The following INTS10 variants were observed in gnomAD, a reference collection of about 807,000 sequenced individuals.
INTS10 encodes the protein integrator complex subunit 10, also known as chromosome 8 open reading frame 35.
In INTS10, 44 loss-of-function variants were observed where a neutral mutation model predicts 94.4. The observed-to-expected ratio is 0.47, with a 90% CI of 0.37 to 0.60. The LOEUF (loss-of-function observed/expected upper bound fraction) is 0.60, where lower values mean the gene tolerates loss of function less well. Ranked by LOEUF, INTS10 falls within the 20% of genes least tolerant of loss-of-function variation. INTS10 has a pLI of 0.00. For missense variants in INTS10, 797 were observed against 868.7 expected, an observed-to-expected ratio of 0.92 and a Z score of 1.04; for synonymous variants, 341 against 320.7, an observed-to-expected ratio of 1.06 and a Z score of -0.68.
At chr8:19,822,234 G>A (rs1397405255) in intron 4 of INTS10, 1 of 417,978 alleles carries the variant, frequency 2.4e-6, no homozygotes, top group African/African-American at 2.0e-5. Context: ...AGACAGAGTG[G>A]TCAGATGTTC....
intron 9 of INTS10, among the ~76,000 whole-genome samples, chr8:19,828,913 T>A (rs1293784335): frequency 2.0e-5 from 3 of 151,864 alleles, no homozygotes; most frequent in Non-Finnish European, 2.9e-5. Context: ...AAACATTACT[T>A]AGGGAGGATA....
intron 16 of INTS10, among the ~76,000 whole-genome samples, chr8:19,850,195 G>A (rs761084830): frequency 6.6e-6 from 1 of 151,980 alleles, no homozygotes; most frequent in Non-Finnish European, 1.5e-5. Flanking sequence ...CTAACTGTCT[G>A]CAAGTGCCAG....
intron 10 of INTS10, among the ~76,000 whole-genome samples, 170 bp downstream of exon 10, chr8:19,830,729 A>T (rs1005693891): frequency 6.6e-6 from 1 of 152,094 alleles, no homozygotes. Flanking sequence ...CCGGAGTACA[A>T]TGGTGTTATC....
chr8:19,835,963 G>A (rs575373852), intron 12 of INTS10, among the ~76,000 whole-genome samples: 1 of 152,230 alleles, frequency 6.6e-6, no homozygotes, highest in South Asian at 2.1e-4. Flanking sequence ...CATGGACACA[G>A]GCAGGGGAAC....
chr8:19,836,675 T>G (rs957187811), intron 12 of INTS10, among the ~76,000 whole-genome samples: 1 of 152,252 alleles, frequency 6.6e-6, no homozygotes, highest in Non-Finnish European at 1.5e-5. Flanking sequence ...TCCTTAGACC[T>G]CTGCTACATT....
At chr8:19,819,895 T>G (rs2066235054) in intron 3 of INTS10, among the ~76,000 whole-genome samples, 1 of 152,192 alleles carries the variant, frequency 6.6e-6, no homozygotes, top group Admixed American at 6.5e-5. Context: ...AGGAATTAAT[T>G]GTATATATTT....
Position 19,851,044 on chromosome 8 carries a change from C to T in INTS10, c.1977-605C>T, listed in dbSNP as rs529183890. On this transcript the variant is annotated intron_variant, in intron 16 of 16. Transcript: ENST00000397977. The surrounding 1 kb of genome is among the most constrained non-coding windows in gnomAD (Gnocchi z 5.0). ...TGTGTCAGGACCCCACCTCCCGCTG[C>T]GTTTTCTTCAACATATGAGAGTCTA... Among the ~76,000 whole-genome samples, 19 of 152,284 alleles carry T rather than the reference C, an allele frequency of 1.2e-4. No homozygotes were observed. The highest frequency in any genetic ancestry group is 3.3e-4 in the Admixed American group (5 of 15,296).
rs544224194 is a variant in INTS10, at chr8:19,843,069, T to C, written c.1719+142T>C. On this transcript the variant is annotated intron_variant, in intron 14 of 16. Coordinates refer to ENST00000397977, the MANE Select transcript of INTS10 (RefSeq NM_018142.4). The surrounding 1 kb of genome is among the most constrained non-coding windows in gnomAD (Gnocchi z 4.7). ...CAAACAGTTAGAAAAGCACATGGGC[T>C]ACTAATTAACAAATCTATATTAAAT... The C allele has an allele frequency of 3.2e-6, 2 of 618,070 alleles. No individual in the cohort carries two copies. Among genetic ancestry groups the C allele is most frequent in the Admixed American group, 5.7e-5 (2 of 34,824 alleles). 38.3% of individuals were successfully genotyped at this position (618,070 alleles called of 1,614,324 possible).
chr8:19,826,452 C>A lies in INTS10; in HGVS notation c.1033C>A (p.Leu345Met). ...QGPNAPSQVP[L>M]VLLEDVSNVY... is the part of the protein sequence containing the mutation. The stretch of plus-strand genomic sequence containing the variant: ...TCCTAATGCCCCGAGCCAAGTTCCA[C>A]TGGTTCTTCTTGAAGATGTATCGAA... Residue 345 changes from leucine to methionine, a missense_variant, in exon 9 of 17, where the codon CTG (leucine) becomes ATG (methionine). Coordinates refer to ENST00000397977, the MANE Select transcript of INTS10 (RefSeq NM_018142.4). 1 of 1,612,506 alleles carries A rather than the reference C, an allele frequency of 6.2e-7. No individual in the cohort carries two copies. The highest frequency in any genetic ancestry group is 8.5e-7 in the Non-Finnish European group (1 of 1,179,486).
At chr8:19,827,355 G>C (rs1387427576) in intron 9 of INTS10, among the ~76,000 whole-genome samples, 2 of 152,170 alleles carry the variant, frequency 1.3e-5, no homozygotes, top group African/African-American at 4.8e-5. Flanking sequence ...CCCATCTGAA[G>C]TAGCTGTCTG....
chr8:19,845,232 C>A (rs1027599148), intron 15 of INTS10, among the ~76,000 whole-genome samples: 1 of 152,124 alleles, frequency 6.6e-6, no homozygotes, highest in African/African-American at 2.4e-5. Flanking sequence ...AACCCTTGCA[C>A]CCCAGTTATG....
In INTS10 at chr8:19,828,225, AT is replaced by A. The variant is rs59831531; in HGVS notation, c.1140+1667del. Among the ~76,000 whole-genome samples, 5 of 152,268 alleles carry A rather than the reference AT, an allele frequency of 3.3e-5. No individual in the cohort carries two copies. In the East Asian group the frequency reaches 5.8e-4, roughly 18 times the overall value. On this transcript the variant is annotated intron_variant, in intron 9 of 16. Transcript: ENST00000397977. Reference sequence around the variant, plus strand: ...GACCCCGTCTATAAAAAATAAAAAAATAAAATAGAAACCTAGCATTTCTCAT... The same window carrying A: ...GACCCCGTCTATAAAAAATAAAAAAAAAAATAGAAACCTAGCATTTCTCAT...
At position 19,817,438 on chromosome 8, in the gene INTS10, C is replaced by CGCGGTGGCGGCGGCGGCG. The variant is rs1554488249; in HGVS notation, c.-91_-74dup. 1.4e-5 allele frequency: 19 copies of CGCGGTGGCGGCGGCGGCG among 1,359,300 alleles called. No individual in the cohort carries two copies. Among genetic ancestry groups the CGCGGTGGCGGCGGCGGCG allele is most frequent in the African/African-American group, 7.0e-5 (5 of 71,632 alleles). 84.2% of individuals were successfully genotyped at this position (1,359,300 alleles called of 1,614,324 possible). ...TCCAGACATGCGCAGTAGCCTCCCCCGCGGTGGCGGCGGCGGCGGCGGTGG... is the reference window on the plus strand; with the variant it reads ...TCCAGACATGCGCAGTAGCCTCCCCCGCGGTGGCGGCGGCGGCGGCGGTGGCGGCGGCGGCGGCGGTGG... On this transcript the variant is annotated 5_prime_UTR_variant, in exon 1 of 17. Transcript: ENST00000397977.
intron 13 of INTS10, among the ~76,000 whole-genome samples, chr8:19,841,142 A>G (rs1444027824): frequency 1.3e-5 from 2 of 152,224 alleles, no homozygotes; most frequent in African/African-American, 4.8e-5. Context: ...AATTTATTCA[A>G]TAAGTGGTAC....
Position 19,826,453 on chromosome 8 carries a change from T to C in INTS10, c.1034T>C (p.Leu345Pro). The C allele has an allele frequency of 6.2e-7, 1 of 1,612,814 alleles. No homozygotes were observed. The highest frequency in any genetic ancestry group is 8.5e-7 in the Non-Finnish European group (1 of 1,179,614). ...CCTAATGCCCCGAGCCAAGTTCCACTGGTTCTTCTTGAAGATGTATCGAAT... is the reference window on the plus strand; with the variant it reads ...CCTAATGCCCCGAGCCAAGTTCCACCGGTTCTTCTTGAAGATGTATCGAAT... ...QGPNAPSQVP[L>P]VLLEDVSNVY... The change falls in exon 9 of 17, where the codon CTG (leucine) becomes CCG (proline). Residue 345 changes from leucine to proline, a missense_variant. By Grantham distance (98) the Leu-to-Pro change is moderately conservative. Transcript: ENST00000397977.
chr8:19,832,572 A>G (rs1030540010), intron 11 of INTS10, among the ~76,000 whole-genome samples: 1 of 152,162 alleles, frequency 6.6e-6, no homozygotes, highest in Non-Finnish European at 1.5e-5. Context: ...TGTCTCAAAA[A>G]CAAAACGAAA....
intron 7 of INTS10, 66 bp downstream of exon 7, chr8:19,824,110 T>C: frequency 7.2e-7 from 1 of 1,388,172 alleles, no homozygotes. Context: ...AACAAAATCA[T>C]GCTTTTTAAA....
chr8:19,830,253 A>T (rs2067127358), intron 9 of INTS10, 153 bp from the exon 10 acceptor site: 2 of 523,176 alleles, frequency 3.8e-6, no homozygotes, highest in Non-Finnish European at 6.2e-6. Context: ...ATTAATTTTC[A>T]AAGCTAAATT....
chr8:19,833,442 T>A, intron 12 of INTS10, 121 bp downstream of exon 12: 1 of 666,628 alleles, frequency 1.5e-6, no homozygotes, highest in Non-Finnish European at 2.2e-6. Context: ...TCTGCCTAGA[T>A]TTATTACTTA....
Sources: gnomAD v4.1 joint callset for allele counts (sites outside exome capture counted in the v4.1 genomes callset) on GRCh38, gnomAD v4.1.1 for gene constraint, Gnocchi (gnomAD v3.1) non-coding constraint, MANE v1.5 for transcripts, NCBI Gene and HGNC (gene_info 2026-07-23, HGNC 2026-07-21) for gene names.